Variants in NTN5 observed in about 807,000 individuals in gnomAD.
NTN5 encodes the protein netrin-5.
In NTN5, 42 loss-of-function variants were observed where a neutral mutation model predicts 38.7. The observed-to-expected ratio is 1.08, with a 90% CI of 0.85 to 1.40. The LOEUF (loss-of-function observed/expected upper bound fraction) is 1.40, where lower values mean the gene tolerates loss of function less well. Among genes scored for constraint, NTN5 ranks in the 40% most tolerant of loss-of-function variants. The pLI is 0.00. For missense variants in NTN5, 658 were observed against 716.5 expected, an observed-to-expected ratio of 0.92 and a Z score of 0.93; for synonymous variants, 329 against 303.9, an observed-to-expected ratio of 1.08 and a Z score of -0.86.
chr19:48,664,877 G>A, intron 2 of NTN5, 110 bp from the exon 3 acceptor site: 3 of 915,136 alleles, frequency 3.3e-6, no homozygotes, highest in Non-Finnish European at 4.6e-6. Context: ...GAGTGTCCAA[G>A]GTAGAAGAGA....
intron 3 of NTN5, 89 bp from the exon 4 acceptor site, chr19:48,664,381 A>C: frequency 4.1e-6 from 6 of 1,480,436 alleles, no homozygotes; most frequent in Non-Finnish European, 5.5e-6. Flanking sequence ...CAGCCTGGGG[A>C]GTCCAGGCCC....
rs773395245 is a variant in NTN5, at chr19:48,670,819, G to A, written c.168C>T (p.Gly56=). The change falls in exon 2 of 7, where the codon GGC becomes GGT. Residue 56 remains glycine, a synonymous_variant. Coordinates refer to ENST00000270235, the MANE Select transcript of NTN5 (RefSeq NM_145807.4). ...GGCTGCCATTGCAGGTTTCCCTGGC[G>A]CCAAGGTGGTTTCCTGGGGACAGGG... ...ACALSPGNHL[G]ARETCNGSLT... is the part of the protein sequence containing the mutation. 2.1e-5 allele frequency: 34 copies of A among 1,612,962 alleles called. No individual in the cohort carries two copies. Among genetic ancestry groups the A allele is most frequent in the African/African-American group, 5.3e-5 (4 of 74,944 alleles).
chr19:48,669,112 TCATCAC>T, intron 2 of NTN5, among the ~76,000 whole-genome samples: 1 of 71,654 alleles, frequency 1.4e-5, no homozygotes, highest in South Asian at 5.0e-4. Flanking sequence ...ACTATCACCA[TCATCAC>T]CACCACCACC....
In NTN5 at chr19:48,664,709, C is replaced by T; in HGVS notation, c.690G>A (p.Leu230=). 1.2e-6 allele frequency: 2 copies of T among 1,603,070 alleles called. No homozygotes were observed. Among genetic ancestry groups the T allele is most frequent in the South Asian group, 2.2e-5 (2 of 89,586 alleles). Residue 230 remains leucine (L), a synonymous_variant, in exon 3 of 7, where the codon CTG becomes CTA. Transcript: ENST00000270235. ...AAACACCCCCACTCCGGCCGCCCGA[C>T]AGTCTGAACAGCTCAGAGTTGAACC... The part of the protein sequence containing the change: ...RCRFNSELFR[L]SGGRSGGVCE...
chr19:48,664,516 C>T, intron 3 of NTN5, 63 bp downstream of exon 3: 4 of 1,483,200 alleles, frequency 2.7e-6, no homozygotes, highest in Admixed American at 2.4e-5. Context: ...CCCCTCCTCC[C>T]TCAGCCCCAG....
chr19:48,667,678 G>A (rs566426079), intron 2 of NTN5, among the ~76,000 whole-genome samples: 94 of 152,238 alleles, frequency 6.2e-4, no homozygotes, highest in African/African-American at 1.9e-3. Context: ...CCAACATGGC[G>A]AAACCTCATC....
intron 2 of NTN5, among the ~76,000 whole-genome samples, chr19:48,665,122 C>G (rs1165035100): frequency 6.6e-6 from 1 of 150,398 alleles, no homozygotes; most frequent in Non-Finnish European, 1.5e-5. Flanking sequence ...CGGGGTTTCA[C>G]CGTGTTAGCC....
chr19:48,661,594 C>T lies in NTN5; in HGVS notation c.*83G>A, dbSNP rs2031539871. On this transcript the variant is annotated 3_prime_UTR_variant, in exon 7 of 7. Transcript: ENST00000270235. ...TCTGCGACGTCTGATTGGCTCTCTG[C>T]AGTGCACCGTCGAGGTAGAAGGCTC... 8 of 1,370,602 alleles carry T rather than the reference C, an allele frequency of 5.8e-6. No homozygotes were observed. The South Asian group carries it at 1.3e-4, about 22-fold the overall frequency. 84.9% of individuals were successfully genotyped at this position (1,370,602 alleles called of 1,614,324 possible).
rs565489790 is a variant in NTN5 at position 48,670,586 on chromosome 19, G to A, written c.401C>T (p.Ala134Val). Residue 134 changes from alanine (A) to valine (V), a missense_variant, in exon 2 of 7, where the codon GCG becomes GTG. Physicochemically the swap from Ala to Val is moderately conservative, Grantham distance 64. Transcript: ENST00000270235. ...AAACTCCACACGGAGGTGGCTGGCC[G>A]CCACAGTGGCCTTAGGACCTGGTGT... ...HSTPGPKATVAASHLRVEFGG... is the reference protein window; with the variant it reads ...HSTPGPKATVVASHLRVEFGG... 4.2e-5 allele frequency: 66 copies of A among 1,575,608 alleles called. No individual in the cohort carries two copies. Among genetic ancestry groups the A allele is most frequent in the Non-Finnish European group, 5.3e-5 (61 of 1,161,032 alleles).
intron 6 of NTN5, chr19:48,663,174 C>T (rs1258839382): frequency 1.1e-5 from 6 of 548,450 alleles, no homozygotes; most frequent in Non-Finnish European, 1.4e-5. Flanking sequence ...TCAACCAGTT[C>T]CCCTATCTCT....
rs142926977 is a variant in NTN5, at chr19:48,670,436, G to A, written c.551C>T (p.Pro184Leu). Residue 184 changes from proline to leucine, a missense_variant, in exon 2 of 7, where the codon CCG becomes CTG. By Grantham distance (98) the Pro-to-Leu change is moderately conservative (BLOSUM62 -3). Coordinates refer to ENST00000270235, the MANE Select transcript of NTN5 (RefSeq NM_145807.4). The stretch of plus-strand genomic sequence containing the variant: ...GGACGGGCGGCAGCTCTCGCACCCC[G>A]GGCCAGTGGTATGGTGGCGGCAGTG... ...RCHCRHHTTG[P>L]GCESCRPSHR... The A allele has an allele frequency of 5.4e-4, 783 of 1,463,108 alleles. 1 individual carries two copies. The highest frequency in any genetic ancestry group is 6.6e-4 in the Non-Finnish European group (736 of 1,108,976). The allele number at this position is 1,463,108 out of a possible 1,614,324, so 90.6% of individuals were successfully genotyped here. A position where few individuals can be genotyped will look rare whatever the true frequency, so the allele number is the denominator to read the frequency against.
At position 48,670,607 on chromosome 19, in the gene NTN5, G is replaced by T. The variant is rs2031934124; in HGVS notation, c.380C>A (p.Pro127Gln). Residue 127 changes from proline (P) to glutamine (Q), a missense_variant, in exon 2 of 7, where the codon CCA (proline) becomes CAA (glutamine). Physicochemically the swap from Pro to Gln is moderately conservative, Grantham distance 76. Transcript: ENST00000270235. Reference sequence around the variant, plus strand: ...GGCCGCCACAGTGGCCTTAGGACCTGGTGTGGAGTGGAAGGTCACCCTTTC... The same window carrying T: ...GGCCGCCACAGTGGCCTTAGGACCTTGTGTGGAGTGGAAGGTCACCCTTTC... The part of the protein sequence containing the change: ...GPERVTFHST[P>Q]GPKATVAASH... The T allele has an allele frequency of 1.3e-6, 2 of 1,594,368 alleles. No individual in the cohort carries two copies. The highest frequency in any genetic ancestry group is 2.3e-5 in the South Asian group (2 of 88,736).
At chr19:48,670,237 G>T in intron 2 of NTN5, 119 bp downstream of exon 2, 1 of 1,071,062 alleles carries the variant, frequency 9.3e-7, no homozygotes, top group Non-Finnish European at 1.3e-6. Flanking sequence ...TCTGAGACTG[G>T]GGTGAGAGGC....
rs776932006 is a variant in NTN5, at chr19:48,662,011, G to A, written c.1136C>T (p.Ala379Val). The A allele has an allele frequency of 2.0e-6, 3 of 1,485,816 alleles. No homozygotes were observed. The highest frequency in any genetic ancestry group is 2.7e-6 in the Non-Finnish European group (3 of 1,125,572). 92.0% of individuals were successfully genotyped at this position (1,485,816 alleles called of 1,614,324 possible). Residue 379 changes from alanine (A) to valine (V), a missense_variant, in exon 7 of 7, where the codon GCG becomes GTG. Transcript: ENST00000270235. ...VLRAQVLASE[A>V]AGPAWQRLAV... is the part of the protein sequence containing the mutation. ...CAGCCGCTGCCATGCCGGGCCCGCC[G>A]CCTCGGACGCTAGCACCTGCGCGCG...
Position 48,668,122 on chromosome 19 carries a change from G to T in NTN5, c.631+2234C>A, listed in dbSNP as rs78793203. Among the ~76,000 whole-genome samples, 47 of 152,260 alleles carry T rather than the reference G, an allele frequency of 3.1e-4. No homozygotes were observed. The East Asian group carries it at 9.1e-3, about 29-fold the overall frequency. On this transcript the variant is annotated intron_variant, in intron 2 of 6. Coordinates refer to ENST00000270235, the MANE Select transcript of NTN5 (RefSeq NM_145807.4). Reference sequence around the variant, plus strand: ...TCTGGAAGCACCTGTGGGAAAGAGGGCATCGCATGGGACATTCCTGGGGGG... The same window carrying T: ...TCTGGAAGCACCTGTGGGAAAGAGGTCATCGCATGGGACATTCCTGGGGGG...
At position 48,661,864 on chromosome 19, in the gene NTN5, T is replaced by C; in HGVS notation, c.1283A>G (p.Asp428Gly). The stretch of plus-strand genomic sequence containing the variant: ...CACGGCGCTGCCCAGCAGCAGGTAG[T>C]CGGTGCCTGGCTGCAGGCGCAGGCA... The part of the protein sequence containing the change: ...CGCLRLQPGT[D>G]YLLLGSAVGD... Residue 428 changes from aspartate (D) to glycine (G), a missense_variant, in exon 7 of 7, where the codon GAC becomes GGC. Coordinates refer to ENST00000270235, the MANE Select transcript of NTN5 (RefSeq NM_145807.4). The C allele has an allele frequency of 7.4e-7, 1 of 1,343,512 alleles. No individual in the cohort carries two copies. Among genetic ancestry groups the C allele is most frequent in the Non-Finnish European group, 9.5e-7 (1 of 1,050,808 alleles). 83.2% of individuals were successfully genotyped at this position (1,343,512 alleles called of 1,614,324 possible).
chr19:48,669,795 C>T (rs2031877672), intron 2 of NTN5, among the ~76,000 whole-genome samples: 3 of 102,858 alleles, frequency 2.9e-5, no homozygotes, highest in Non-Finnish European at 4.2e-5. Flanking sequence ...ACCACCATCA[C>T]CATCACCACC....
At position 48,661,711 on chromosome 19, in the gene NTN5, C is replaced by T. The variant is rs748045623; in HGVS notation, c.1436G>A (p.Arg479Gln). 24 of 1,556,358 alleles carry T rather than the reference C, an allele frequency of 1.5e-5. No homozygotes were observed. The highest frequency in any genetic ancestry group is 2.3e-5 in the South Asian group (2 of 87,320). Residue 479 changes from arginine (R) to glutamine (Q), a missense_variant, in exon 7 of 7, where the codon CGG becomes CAG. Physicochemically the swap from Arg to Gln is conservative, Grantham distance 43. Transcript: ENST00000270235. ...EERAGGCRGV[R>Q]APTPSPRPEH Reference sequence around the variant, plus strand: ...CGGCCTGGGACTGGGTGTGGGTGCCCGCACGCCGCGGCAGCCTCCGGCGCG... The same window carrying T: ...CGGCCTGGGACTGGGTGTGGGTGCCTGCACGCCGCGGCAGCCTCCGGCGCG...
Position 48,669,974 on chromosome 19 carries a change from ATCACCATCAT to A in NTN5, c.631+372_631+381del, listed in dbSNP as rs1427351910. Among the ~76,000 whole-genome samples, 8 of 31,658 alleles carry A rather than the reference ATCACCATCAT, an allele frequency of 2.5e-4. 1 individual carries two copies. Among genetic ancestry groups the A allele is most frequent in the Admixed American group, 1.3e-3 (6 of 4,672 alleles). 20.8% of individuals were successfully genotyped at this position (31,658 alleles called of 152,430 possible). ...CACCACCATCACCATCACCACCATCATCACCATCATCACCACCACCATCACCATCACCACC... is the reference window on the plus strand; with the variant it reads ...CACCACCATCACCATCACCACCATCACACCACCACCATCACCATCACCACC... On this transcript the variant is annotated intron_variant, in intron 2 of 6. Coordinates refer to ENST00000270235, the MANE Select transcript of NTN5 (RefSeq NM_145807.4).
Sources: gnomAD v4.1 joint callset for allele counts (sites outside exome capture counted in the v4.1 genomes callset) on GRCh38, gnomAD v4.1.1 for gene constraint, MANE v1.5 for transcripts, NCBI Gene and HGNC (gene_info 2026-07-23, HGNC 2026-07-21) for gene names.